The following C12orf54 variants were observed in gnomAD, a reference collection of about 807,000 sequenced individuals.
C12orf54 encodes the protein chromosome 12 open reading frame 54.
C12orf54 carries 24 observed loss-of-function variants against 26.4 expected under a neutral mutation model. That is an observed-to-expected ratio of 0.91 (90% CI 0.66 to 1.28). The LOEUF is 1.28. Ranked by LOEUF, C12orf54 falls within the 50% of genes most tolerant of loss-of-function variation. C12orf54 has a pLI of 0.00. For synonymous variants in C12orf54, 54 were observed against 47.0 expected, an observed-to-expected ratio of 1.15 and a Z score of -0.61; for missense variants, 154 against 150.9, an observed-to-expected ratio of 1.02 and a Z score of -0.11.
the C12orf54 span, among the ~76,000 whole-genome samples, chr12:48,425,068 A>C: frequency 1.3e-5 from 2 of 152,118 alleles, no homozygotes; most frequent in Non-Finnish European, 2.9e-5. Context: ...AGCTTATTTA[A>C]ACAAAAGCAA....
intron 5 of C12orf54, 166 bp downstream of exon 5, chr12:48,489,122 G>A (rs755030461): frequency 3.0e-5 from 24 of 793,854 alleles, no homozygotes; most frequent in Admixed American, 6.8e-5. Flanking sequence ...CAGTCCAGGC[G>A]GCTAAGGCAA....
chr12:48,447,212 C>CTGTG, the C12orf54 span, among the ~76,000 whole-genome samples: 2,491 of 90,982 alleles, frequency 0.027, 43 homozygotes, highest in Admixed American at 0.055. Context: ...CTCTCTTACT[C>CTGTG]TGTGTGTGTG....
At chr12:48,431,340 A>T in the C12orf54 span, among the ~76,000 whole-genome samples, 1 of 152,354 alleles carries the variant, frequency 6.6e-6, no homozygotes, top group South Asian at 2.1e-4. Flanking sequence ...TAATTATAAA[A>T]TTTAGATGTG....
chr12:48,453,023 T>A, the C12orf54 span, among the ~76,000 whole-genome samples: 3 of 152,132 alleles, frequency 2.0e-5, no homozygotes, highest in African/African-American at 4.8e-5. Context: ...CATTCTGTTA[T>A]AAAGACACAT....
the C12orf54 span, among the ~76,000 whole-genome samples, chr12:48,428,526 G>A: frequency 0.05 from 7,651 of 152,068 alleles, 653 homozygotes; most frequent in African/African-American, 0.17. Flanking sequence ...GATAATTTAA[G>A]GCTACTATGA....
the C12orf54 span, chr12:48,442,264 G>T: frequency 5.1e-6 from 1 of 194,726 alleles, no homozygotes; most frequent in East Asian, 1.2e-4. Context: ...TGCCTGTAGT[G>T]GAGCTGATCC....
the C12orf54 span, among the ~76,000 whole-genome samples, chr12:48,427,972 C>T: frequency 6.6e-6 from 1 of 152,178 alleles, no homozygotes; most frequent in African/African-American, 2.4e-5. Context: ...ATCAAACTCT[C>T]TCTCAGACCA....
At chr12:48,439,569 TA>T in the C12orf54 span, among the ~76,000 whole-genome samples, 13 of 152,220 alleles carry the variant, frequency 8.5e-5, no homozygotes, top group South Asian at 2.3e-3. Context: ...TGTGCAGCCA[TA>T]AAAAGGATGA....
chr12:48,438,915 T>C, the C12orf54 span, among the ~76,000 whole-genome samples: 1 of 151,972 alleles, frequency 6.6e-6, no homozygotes, highest in Non-Finnish European at 1.5e-5. Context: ...GGGATCTAAT[T>C]AAACTAAAGA....
chr12:48,490,676 G>T, intron 5 of C12orf54, 136 bp from the exon 6 acceptor site: 1 of 931,890 alleles, frequency 1.1e-6, no homozygotes, highest in Non-Finnish European at 1.7e-6. Flanking sequence ...AAGAAATCTT[G>T]GGAGTTCCAT....
chr12:48,439,529 A>G, the C12orf54 span, among the ~76,000 whole-genome samples: 1 of 152,356 alleles, frequency 6.6e-6, no homozygotes, highest in East Asian at 1.9e-4. Context: ...CTGGATTAAG[A>G]AAATGTGGCA....
At chr12:48,486,031 T>G in intron 2 of C12orf54, 147 bp from the exon 3 acceptor site, 9 of 682,264 alleles carry the variant, frequency 1.3e-5, no homozygotes, top group Middle Eastern at 2.8e-4. Flanking sequence ...TAAAGGGATA[T>G]GAGAGGCAGG....
At chr12:48,428,187 G>A in the C12orf54 span, among the ~76,000 whole-genome samples, 1 of 151,970 alleles carries the variant, frequency 6.6e-6, no homozygotes, top group Admixed American at 6.6e-5. Context: ...TAAGAGGAAA[G>A]TTCATAGCCC....
At chr12:48,434,583 G>A in the C12orf54 span, among the ~76,000 whole-genome samples, 1 of 152,144 alleles carries the variant, frequency 6.6e-6, no homozygotes, top group Non-Finnish European at 1.5e-5. Context: ...GAATGATCAG[G>A]CAGCAGCATT....
rs1954220718 is a variant in C12orf54 at position 48,483,327 on chromosome 12, C to T, written c.31C>T (p.Gln11Ter). Reference protein sequence around the residue: MAQHPCQDQEQKVEMTSKQQR... With the variant: MAQHPCQDQE ...ACAGCATCCCTGCCAGGATCAGGAA[C>T]AAAAGGTAGAAATGACCTCCAAGCA... is the stretch of plus-strand genomic sequence containing the variant. Residue 11 changes from glutamine to a stop codon, truncating the protein, a stop_gained, in exon 2 of 9, where the codon CAA becomes TAA. Transcript: ENST00000548364. LOFTEE classifies it high-confidence loss of function. 5 of 1,613,974 alleles carry T rather than the reference C, an allele frequency of 3.1e-6. No individual in the cohort carries two copies. Among genetic ancestry groups the T allele is most frequent in the Non-Finnish European group, 4.2e-6 (5 of 1,179,944 alleles).
At chr12:48,440,473 T>C in the C12orf54 span, among the ~76,000 whole-genome samples, 1 of 152,182 alleles carries the variant, frequency 6.6e-6, no homozygotes, top group Admixed American at 6.5e-5. Flanking sequence ...ATCTAAAGGG[T>C]CTTTGTTAAA....
the C12orf54 span, among the ~76,000 whole-genome samples, chr12:48,476,408 A>T: frequency 1.3e-5 from 2 of 152,200 alleles, no homozygotes; most frequent in Non-Finnish European, 2.9e-5. Flanking sequence ...TTAACTTTAA[A>T]TGTAAATGGG....
At chr12:48,472,571 G>C in the C12orf54 span, 3 of 1,465,802 alleles carry the variant, frequency 2.0e-6, no homozygotes, top group Non-Finnish European at 2.8e-6. Flanking sequence ...GAACCCAGCA[G>C]AGCTGGTTGA....
the C12orf54 span, among the ~76,000 whole-genome samples, chr12:48,465,847 G>A: frequency 6.6e-6 from 1 of 152,154 alleles, no homozygotes; most frequent in Non-Finnish European, 1.5e-5. Flanking sequence ...TCACTTACAA[G>A]TGGGAGCCAA....
Sources: allele counts gnomAD v4.1 joint callset (sites outside exome capture counted in the v4.1 genomes callset), GRCh38; gene constraint gnomAD v4.1.1; transcripts MANE v1.5; gene names NCBI Gene and HGNC (gene_info 2026-07-23, HGNC 2026-07-21).